MAST2: variants seen among roughly 807,000 people sequenced by gnomAD.
MAST2 encodes the protein microtubule associated serine/threonine kinase 2.
A neutral mutation model predicts 147.4 loss-of-function variants in MAST2; 70 were observed. The ratio of observed to expected loss-of-function variants is 0.47; its 90% CI spans 0.39 to 0.58. The LOEUF is 0.58. Among genes scored for constraint, MAST2 ranks in the 20% least tolerant of loss-of-function variants. MAST2 has a pLI of 0.00. For synonymous variants in MAST2, 869 were observed against 896.8 expected, an observed-to-expected ratio of 0.97 and a Z score of 0.55; for missense variants, 2,080 against 2,302.3, an observed-to-expected ratio of 0.90 and a Z score of 1.98.
chr1:46,032,976 C>CAA (rs56069054), intron 26 of MAST2, among the ~76,000 whole-genome samples: 14 of 132,276 alleles, frequency 1.1e-4, no homozygotes, highest in South Asian at 2.5e-4. Context: ...ACTAAAAATA[C>CAA]AAAAAAAAAA....
chr1:45,873,022 TA>T (rs1379123163), intron 3 of MAST2, among the ~76,000 whole-genome samples: 8 of 152,128 alleles, frequency 5.3e-5, no homozygotes, highest in Admixed American at 4.6e-4. Flanking sequence ...CAAATGGTAA[TA>T]AAATTTTGGA....
chr1:45,876,085 T>TA (rs1218487180), intron 3 of MAST2, among the ~76,000 whole-genome samples: 1 of 152,174 alleles, frequency 6.6e-6, no homozygotes, highest in Non-Finnish European at 1.5e-5. Flanking sequence ...GAGTGAATGA[T>TA]ACTATCAGGT....
At chr1:46,004,087 A>G (rs1285095738) in intron 7 of MAST2, among the ~76,000 whole-genome samples, 1 of 152,132 alleles carries the variant, frequency 6.6e-6, no homozygotes, top group Non-Finnish European at 1.5e-5. Context: ...TTCCCGGGCC[A>G]GGCGCAGTGG....
chr1:45,854,896 C>G (rs762872648), intron 3 of MAST2, among the ~76,000 whole-genome samples: 2 of 152,222 alleles, frequency 1.3e-5, no homozygotes, highest in African/African-American at 2.4e-5. Flanking sequence ...GACTGACCAG[C>G]TATAAATTGG....
chr1:45,992,168 A>G (rs888372572), intron 5 of MAST2, among the ~76,000 whole-genome samples: 2 of 152,100 alleles, frequency 1.3e-5, no homozygotes, highest in African/African-American at 4.8e-5. Flanking sequence ...GTTAACAACA[A>G]GTATGTCTTC....
At chr1:45,936,126 A>T (rs1241807248) in intron 4 of MAST2, among the ~76,000 whole-genome samples, 1 of 152,080 alleles carries the variant, frequency 6.6e-6, no homozygotes, top group African/African-American at 2.4e-5. Flanking sequence ...CTTTAGCCAT[A>T]TTCTTAGGTA....
At chr1:45,871,008 C>G (rs2148168009) in intron 3 of MAST2, among the ~76,000 whole-genome samples, 1 of 151,234 alleles carries the variant, frequency 6.6e-6, no homozygotes, top group African/African-American at 2.4e-5. Context: ...CCAACTATCC[C>G]TTTATTTCAG....
intron 4 of MAST2, among the ~76,000 whole-genome samples, chr1:45,946,912 C>G (rs1372203273): frequency 1.3e-5 from 2 of 152,126 alleles, no homozygotes; most frequent in East Asian, 3.9e-4. Context: ...TGCACCAGTC[C>G]CTAGGGTACT....
intron 4 of MAST2, among the ~76,000 whole-genome samples, chr1:45,908,774 G>A (rs1651188804): frequency 2.0e-5 from 3 of 152,114 alleles, no homozygotes; most frequent in Admixed American, 1.3e-4. Context: ...CCTCAGCTTA[G>A]TGGAACTACT....
At chr1:45,923,284 A>G (rs998072674) in intron 4 of MAST2, among the ~76,000 whole-genome samples, 2 of 152,114 alleles carry the variant, frequency 1.3e-5, no homozygotes, top group Non-Finnish European at 2.9e-5. Flanking sequence ...TGGCGTCTGC[A>G]CCGGAAGACC....
chr1:45,860,217 C>T (rs1645931059), intron 3 of MAST2, among the ~76,000 whole-genome samples: 1 of 151,290 alleles, frequency 6.6e-6, no homozygotes, highest in South Asian at 2.1e-4. Flanking sequence ...CACACACACA[C>T]ACACACACAC....
At chr1:45,831,659 C>T (rs4660889) in intron 3 of MAST2, among the ~76,000 whole-genome samples, 51,661 of 151,846 alleles carry the variant, frequency 0.34, 9,203 homozygotes, top group African/African-American at 0.44. Flanking sequence ...ATTTTTTTCC[C>T]GAAGCATTTC....
rs192263030 is a variant in MAST2, at chr1:45,977,437, G to A, written c.592+17960G>A. Among the ~76,000 whole-genome samples, 91 of 150,966 alleles carry A rather than the reference G, an allele frequency of 6.0e-4. 1 individual carries two copies. In the Middle Eastern group the frequency reaches 0.035, roughly 58 times the overall value. ...CGGGAGGTGGAGGTTGCAATGAGCC[G>A]AGGTGGCGCCATTGCATTCCAGCTT... is the stretch of plus-strand genomic sequence containing the variant. On this transcript the variant is annotated intron_variant, in intron 5 of 28. Coordinates refer to ENST00000361297, the MANE Select transcript of MAST2 (RefSeq NM_015112.3).
chr1:45,957,086 G>T (rs1659762056), intron 4 of MAST2, among the ~76,000 whole-genome samples: 1 of 152,120 alleles, frequency 6.6e-6, no homozygotes, highest in Non-Finnish European at 1.5e-5. Flanking sequence ...GTATATTTTA[G>T]TATAAATATC....
At chr1:46,025,343 C>T (rs1254317787) in intron 15 of MAST2, among the ~76,000 whole-genome samples, 1 of 152,082 alleles carries the variant, frequency 6.6e-6, no homozygotes, top group Non-Finnish European at 1.5e-5. Context: ...ATAAAAATAA[C>T]CATCAGATCT....
intron 3 of MAST2, among the ~76,000 whole-genome samples, chr1:45,859,649 A>G (rs1324944985): frequency 6.6e-6 from 1 of 152,156 alleles, no homozygotes; most frequent in Non-Finnish European, 1.5e-5. Context: ...CATGTAAAGA[A>G]CCTTATAGCT....
intron 4 of MAST2, among the ~76,000 whole-genome samples, chr1:45,941,690 T>C (rs1465717454): frequency 6.6e-6 from 1 of 152,264 alleles, no homozygotes; most frequent in African/African-American, 2.4e-5. Flanking sequence ...TGTTTTTTTA[T>C]TTGTTTATTC....
At chr1:46,018,085 A>G (rs1053071225) in intron 10 of MAST2, among the ~76,000 whole-genome samples, 1 of 139,966 alleles carries the variant, frequency 7.1e-6, no homozygotes, top group African/African-American at 2.7e-5. Context: ...CACAGTGAAT[A>G]CTTCCTAAAC....
intron 1 of MAST2, among the ~76,000 whole-genome samples, chr1:45,812,606 A>G (rs1016445513): frequency 2.0e-5 from 3 of 151,986 alleles, no homozygotes; most frequent in South Asian, 2.1e-4. Flanking sequence ...TTGTATTTTT[A>G]GTAGAGACTA....
Sources: gnomAD v4.1 joint callset for allele counts (sites outside exome capture counted in the v4.1 genomes callset) on GRCh38, gnomAD v4.1.1 for gene constraint, MANE v1.5 for transcripts, NCBI Gene and HGNC (gene_info 2026-07-23, HGNC 2026-07-21) for gene names.